The following BCKDHB variants were observed in gnomAD, a reference collection of about 807,000 sequenced individuals.
BCKDHB encodes branched chain keto acid dehydrogenase E1 subunit beta, also known as 2-oxoisovalerate dehydrogenase subunit beta, mitochondrial.
Under a neutral mutation model 48.5 loss-of-function variants are expected in BCKDHB, and 41 were observed. That is an observed-to-expected ratio of 0.85 (90% CI 0.66 to 1.10). BCKDHB has a LOEUF of 1.10. Ranked by LOEUF, BCKDHB falls within the 50% of genes least tolerant of loss-of-function variation. The pLI, the probability that BCKDHB is intolerant of heterozygous loss-of-function variation, is 0.00. For synonymous variants in BCKDHB, 201 were observed against 174.8 expected (o/e 1.15, Z -1.18); for missense variants, 496 against 494.2 (o/e 1.00, Z -0.03).
intron 9 of BCKDHB, among the ~76,000 whole-genome samples, chr6:80,296,654 A>G (rs940063782): frequency 6.7e-6 from 1 of 150,316 alleles, no homozygotes; most frequent in African/African-American, 2.4e-5. Flanking sequence ...AACCCTTTAC[A>G]TTTTTTTTTA....
At chr6:80,155,002 A>G (rs1225947707) in intron 3 of BCKDHB, among the ~76,000 whole-genome samples, 4 of 152,144 alleles carry the variant, frequency 2.6e-5, no homozygotes, top group African/African-American at 9.6e-5. Context: ...CCACAGAGTA[A>G]TAGTGGAACA....
the BCKDHB span, among the ~76,000 whole-genome samples, chr6:80,454,656 T>C: frequency 1.3e-5 from 2 of 152,132 alleles, no homozygotes; most frequent in African/African-American, 4.8e-5. Flanking sequence ...TGCAAGGCAT[T>C]GGATGCTATA....
the BCKDHB span, among the ~76,000 whole-genome samples, chr6:80,408,267 T>C: frequency 6.6e-6 from 1 of 152,206 alleles, no homozygotes; most frequent in Non-Finnish European, 1.5e-5. Flanking sequence ...AGTATTTTCT[T>C]GAGGATTTTT....
chr6:80,136,608 T>C (rs962148704), intron 3 of BCKDHB, among the ~76,000 whole-genome samples: 2 of 152,074 alleles, frequency 1.3e-5, no homozygotes, highest in South Asian at 4.1e-4. Context: ...TAAATTGGAC[T>C]GCATCGAAAT....
chr6:80,417,016 C>T, the BCKDHB span, among the ~76,000 whole-genome samples: 2 of 151,882 alleles, frequency 1.3e-5, no homozygotes, highest in Non-Finnish European at 2.9e-5. Flanking sequence ...TAAGAACTTG[C>T]TTTATGAATC....
At chr6:80,157,232 G>A (rs757755855) in intron 3 of BCKDHB, among the ~76,000 whole-genome samples, 1 of 151,834 alleles carries the variant, frequency 6.6e-6, no homozygotes, top group African/African-American at 2.4e-5. Context: ...CTAATACATG[G>A]CTACCTAAAA....
chr6:80,124,742 A>G lies in BCKDHB; in HGVS notation c.197-2805A>G, dbSNP rs1770249824. Among the ~76,000 whole-genome samples, 4 of 152,156 alleles carry G rather than the reference A, an allele frequency of 2.6e-5. No homozygotes were observed. In the South Asian group the frequency reaches 8.3e-4, roughly 31 times the overall value. ...AGGCGCATTGTCAATGAGCAGTAAT[A>G]TTTTGAAAGGAATCTTTTTTTTTCC... On this transcript the variant is annotated intron_variant, in intron 1 of 9. Transcript: ENST00000320393.
chr6:80,167,637 CT>C lies in BCKDHB; in HGVS notation c.344-40del, dbSNP rs1310263019. On this transcript the variant is annotated intron_variant, in intron 3 of 9. Transcript: ENST00000320393. ...TAAATGTATTATGCATGACATTACT[CT>C]CATTTGCCACATTAACCTTTTTTTC... is the stretch of plus-strand genomic sequence containing the variant. 17 of 1,551,234 alleles carry C rather than the reference CT, an allele frequency of 1.1e-5. No individual in the cohort carries two copies. In the African/African-American group the frequency reaches 2.3e-4, roughly 21 times the overall value.
the BCKDHB span, among the ~76,000 whole-genome samples, chr6:80,382,672 C>T: frequency 4.6e-5 from 7 of 152,182 alleles, no homozygotes; most frequent in Admixed American, 1.3e-4. Context: ...CTTCCCTGGA[C>T]GTCTTCCCTG....
the BCKDHB span, among the ~76,000 whole-genome samples, chr6:80,445,997 G>A: frequency 6.6e-6 from 1 of 152,136 alleles, no homozygotes; most frequent in East Asian, 1.9e-4. Context: ...AGGAAACAGG[G>A]AGCAGTACAA....
At chr6:80,463,475 T>A in the BCKDHB span, among the ~76,000 whole-genome samples, 1 of 152,166 alleles carries the variant, frequency 6.6e-6, no homozygotes. Flanking sequence ...GAAACCAACA[T>A]ATGAGAGTGA....
At chr6:80,406,401 T>G in the BCKDHB span, among the ~76,000 whole-genome samples, 4 of 152,208 alleles carry the variant, frequency 2.6e-5, no homozygotes, top group South Asian at 8.3e-4. Context: ...AAATGGTATT[T>G]CTAGTTCTAG....
intron 6 of BCKDHB, among the ~76,000 whole-genome samples, chr6:80,173,936 G>C (rs1248235647): frequency 4.0e-5 from 6 of 151,796 alleles, no homozygotes; most frequent in Admixed American, 3.9e-4. Flanking sequence ...ATGGTGCATT[G>C]TGATTCAGCA....
chr6:80,397,482 CA>C, the BCKDHB span, among the ~76,000 whole-genome samples: 5 of 152,174 alleles, frequency 3.3e-5, no homozygotes, highest in Non-Finnish European at 7.3e-5. Flanking sequence ...AATATCTTTT[CA>C]ATCCACCATA....
At chr6:80,363,860 T>TTACATC in the BCKDHB span, among the ~76,000 whole-genome samples, 1 of 152,182 alleles carries the variant, frequency 6.6e-6, no homozygotes, top group African/African-American at 2.4e-5. Flanking sequence ...ATGGCAAAAA[T>TTACATC]TACGTAGGTG....
the BCKDHB span, among the ~76,000 whole-genome samples, chr6:80,381,930 T>C: frequency 6.6e-6 from 1 of 152,032 alleles, no homozygotes; most frequent in Non-Finnish European, 1.5e-5. Flanking sequence ...CCTAAAACGG[T>C]AAACTTGTTA....
chr6:80,338,742 A>G (rs987961227), intron 9 of BCKDHB, among the ~76,000 whole-genome samples: 1 of 152,150 alleles, frequency 6.6e-6, no homozygotes, highest in Non-Finnish European at 1.5e-5. Context: ...AAATCTAGCA[A>G]TTATTGAGCA....
the BCKDHB span, chr6:80,374,233 C>G: frequency 8.1e-6 from 6 of 745,098 alleles, no homozygotes; most frequent in Non-Finnish European, 1.2e-5. Flanking sequence ...TGCTCAATGG[C>G]CAGAGAGTCT....
At chr6:80,388,708 C>T in the BCKDHB span, among the ~76,000 whole-genome samples, 19 of 152,290 alleles carry the variant, frequency 1.2e-4, no homozygotes, top group East Asian at 3.7e-3. Flanking sequence ...GCACCAGTGA[C>T]CTCATGGGGA....
Sources: gnomAD v4.1 joint callset for allele counts (sites outside exome capture counted in the v4.1 genomes callset) on GRCh38, gnomAD v4.1.1 for gene constraint, MANE v1.5 for transcripts, NCBI Gene and HGNC (gene_info 2026-07-23, HGNC 2026-07-21) for gene names.